RSU1: variants seen among roughly 807,000 people sequenced by gnomAD.
RSU1 encodes rsu-1.
Under a neutral mutation model 31.1 loss-of-function variants are expected in RSU1, and 26 were observed. That is an observed-to-expected ratio of 0.84 (90% CI 0.61 to 1.16). The LOEUF (loss-of-function observed/expected upper bound fraction) is 1.16, where lower values mean the gene tolerates loss of function less well. Ranked by LOEUF, RSU1 falls within the 50% of genes most tolerant of loss-of-function variation. The pLI, the probability that RSU1 is intolerant of heterozygous loss-of-function variation, is 0.00. For missense variants in RSU1, 320 were observed against 339.1 expected (o/e 0.94, Z 0.44); for synonymous variants, 164 against 136.3 (o/e 1.20, Z -1.41).
chr10:16,691,996 G>A (rs10795416), intron 8 of RSU1, among the ~76,000 whole-genome samples: 48,118 of 151,916 alleles, frequency 0.32, 8,205 homozygotes, highest in Middle Eastern at 0.42. Context: ...TCCTCATGGT[G>A]AATCACCCCA....
intron 8 of RSU1, among the ~76,000 whole-genome samples, chr10:16,650,875 C>T (rs982590682): frequency 2.0e-5 from 3 of 152,086 alleles, no homozygotes; most frequent in Non-Finnish European, 2.9e-5. Flanking sequence ...GCCACTGCAC[C>T]TGGCTGAAAA....
At chr10:16,657,802 G>T (rs1267494033) in intron 8 of RSU1, among the ~76,000 whole-genome samples, 5 of 152,080 alleles carry the variant, frequency 3.3e-5, no homozygotes, top group Admixed American at 3.3e-4. Flanking sequence ...AGACAAGCCT[G>T]GCCAACATGG....
At chr10:16,709,586 A>T (rs139476940) in intron 7 of RSU1, among the ~76,000 whole-genome samples, 3 of 152,154 alleles carry the variant, frequency 2.0e-5, no homozygotes, top group African/African-American at 7.2e-5. Context: ...CTTCCACAAT[A>T]GTTGAACTAG....
intron 8 of RSU1, among the ~76,000 whole-genome samples, chr10:16,679,414 TG>T (rs1312476608): frequency 6.6e-6 from 1 of 152,110 alleles, no homozygotes; most frequent in African/African-American, 2.4e-5. Flanking sequence ...GTCTGACACC[TG>T]GGAAAGAAGT....
chr10:16,601,355 C>T (rs1402244112), intron 8 of RSU1, among the ~76,000 whole-genome samples: 3 of 152,142 alleles, frequency 2.0e-5, no homozygotes, highest in African/African-American at 7.2e-5. Flanking sequence ...TAGCCTAGGA[C>T]CCTAGAAGTG....
chr10:16,724,567 C>T (rs1233101331), intron 7 of RSU1, among the ~76,000 whole-genome samples: 1 of 152,192 alleles, frequency 6.6e-6, no homozygotes, highest in East Asian at 1.9e-4. Context: ...AAAGGGGCAG[C>T]AGTGGGTATC....
Position 16,754,947 on chromosome 10 carries a change from C to G in RSU1, c.324G>C (p.Leu108=). 1.2e-6 allele frequency: 2 copies of G among 1,613,498 alleles called. No homozygotes were observed. Among genetic ancestry groups the G allele is most frequent in the Non-Finnish European group, 1.7e-6 (2 of 1,179,722 alleles). The change falls in exon 5 of 9, where the codon CTG becomes CTC. Residue 108 remains leucine (L), a synonymous_variant. Transcript: ENST00000345264. ...TCAAGTCCAGAACCTCAAGAGCTGGCAGGGAGCCGAAGCCTCGTGGCAAAG... is the reference window on the plus strand; with the variant it reads ...TCAAGTCCAGAACCTCAAGAGCTGGGAGGGAGCCGAAGCCTCGTGGCAAAG... The part of the protein sequence containing the change: ...LNTLPRGFGS[L]PALEVLDLTY...
chr10:16,732,164 G>C (rs575064008), intron 7 of RSU1, among the ~76,000 whole-genome samples: 4 of 152,280 alleles, frequency 2.6e-5, no homozygotes, highest in Non-Finnish European at 4.4e-5. Flanking sequence ...AAGGGACAGA[G>C]ACCATAGCCT....
chr10:16,641,928 A>G (rs1834450006), intron 8 of RSU1, among the ~76,000 whole-genome samples: 1 of 152,158 alleles, frequency 6.6e-6, no homozygotes, highest in Non-Finnish European at 1.5e-5. Flanking sequence ...CTGGCCCAGG[A>G]CCCTCTGACA....
intron 8 of RSU1, among the ~76,000 whole-genome samples, chr10:16,605,125 C>T (rs1833780828): frequency 6.6e-6 from 1 of 151,200 alleles, no homozygotes; most frequent in African/African-American, 2.4e-5. Flanking sequence ...CAAAATAATC[C>T]CCCTCCCTCT....
chr10:16,720,816 C>T (rs745825320), intron 7 of RSU1, among the ~76,000 whole-genome samples: 1 of 152,076 alleles, frequency 6.6e-6, no homozygotes, highest in Admixed American at 6.6e-5. Flanking sequence ...CGAAACCCCA[C>T]GTCTACAAAA....
intron 7 of RSU1, among the ~76,000 whole-genome samples, chr10:16,749,687 G>A (rs994965078): frequency 2.6e-5 from 4 of 152,250 alleles, no homozygotes; most frequent in East Asian, 1.9e-4. Flanking sequence ...CGGGGACAAC[G>A]CAACTGGCTT....
In RSU1 at chr10:16,645,901, C is replaced by A. The variant is rs200070117; in HGVS notation, c.731+49122G>T. Among the ~76,000 whole-genome samples the A allele has an allele frequency of 5.9e-5, 3 of 50,598 alleles. 1 individual carries two copies. Among genetic ancestry groups the A allele is most frequent in the African/African-American group, 2.9e-4 (2 of 6,906 alleles). 33.2% of individuals were successfully genotyped at this position (50,598 alleles called of 152,430 possible). On this transcript the variant is annotated intron_variant, in intron 8 of 8. Transcript: ENST00000345264. Reference sequence around the variant, plus strand: ...ATGTGTATATACATATATGTATATACACATATATGTATATATATGTGTATA... The same window carrying A: ...ATGTGTATATACATATATGTATATAAACATATATGTATATATATGTGTATA...
intron 8 of RSU1, among the ~76,000 whole-genome samples, chr10:16,679,081 G>A (rs1371811926): frequency 6.6e-6 from 1 of 152,188 alleles, no homozygotes; most frequent in Admixed American, 6.5e-5. Context: ...AATCTAAGCT[G>A]AGTATTAGAT....
chr10:16,768,979 A>G (rs368805876), intron 3 of RSU1, among the ~76,000 whole-genome samples: 1 of 152,366 alleles, frequency 6.6e-6, no homozygotes, highest in East Asian at 1.9e-4. Context: ...AAGGACATGT[A>G]TCTACGGCCA....
At chr10:16,802,778 G>A (rs1838185448) in intron 2 of RSU1, among the ~76,000 whole-genome samples, 1 of 152,100 alleles carries the variant, frequency 6.6e-6, no homozygotes, top group East Asian at 1.9e-4. Context: ...GGTGAAAGAA[G>A]GAAATCCATA....
At chr10:16,683,847 A>G (rs1564315789) in intron 8 of RSU1, among the ~76,000 whole-genome samples, 1 of 152,208 alleles carries the variant, frequency 6.6e-6, no homozygotes, top group Non-Finnish European at 1.5e-5. Flanking sequence ...TTCAACTTCA[A>G]TTCAATTGTT....
chr10:16,810,188 G>A (rs533455245), intron 2 of RSU1, among the ~76,000 whole-genome samples: 14 of 152,104 alleles, frequency 9.2e-5, no homozygotes, highest in Middle Eastern at 3.4e-3. Flanking sequence ...CCAAGATCGC[G>A]CCACTGCACT....
intron 7 of RSU1, among the ~76,000 whole-genome samples, chr10:16,726,267 C>CTTT (rs760586484): frequency 0.077 from 10,512 of 136,394 alleles, 1,253 homozygotes; most frequent in African/African-American, 0.24. Context: ...AGGAACGTAT[C>CTTT]TTTTTTTTTT....
Sources: gnomAD v4.1 joint callset for allele counts (sites outside exome capture counted in the v4.1 genomes callset) on GRCh38, gnomAD v4.1.1 for gene constraint, MANE v1.5 for transcripts, NCBI Gene and HGNC (gene_info 2026-07-23, HGNC 2026-07-21) for gene names.